Variants in EXOC6B observed in about 807,000 individuals in gnomAD.
EXOC6B encodes the protein SEC15 homolog B.
EXOC6B carries 54 observed loss-of-function variants against 113.5 expected under a neutral mutation model. The ratio of observed to expected loss-of-function variants is 0.48; its 90% CI spans 0.38 to 0.60. EXOC6B has a LOEUF of 0.60. Ranked by LOEUF, EXOC6B falls within the 20% of genes least tolerant of loss-of-function variation. The probability of loss-of-function intolerance (pLI) is 0.00; values close to 1 mark genes in which losing one functional copy is unlikely to be tolerated. For missense variants in EXOC6B, 797 were observed against 977.5 expected, an observed-to-expected ratio of 0.82 and a Z score of 2.46; for synonymous variants, 357 against 339.0, an observed-to-expected ratio of 1.05 and a Z score of -0.58.
chr2:72,474,839 C>T (rs1698636441), intron 17 of EXOC6B, among the ~76,000 whole-genome samples: 2 of 151,864 alleles, frequency 1.3e-5, no homozygotes, highest in Admixed American at 1.3e-4. Context: ...TTTTCTGTAC[C>T]ATTATATTCA....
At chr2:72,287,130 G>A (rs1214582200) in intron 20 of EXOC6B, among the ~76,000 whole-genome samples, 2 of 151,940 alleles carry the variant, frequency 1.3e-5, no homozygotes, top group African/African-American at 4.8e-5. Context: ...AAAAATCAGA[G>A]AAATAGAATA....
intron 18 of EXOC6B, among the ~76,000 whole-genome samples, chr2:72,431,491 A>C (rs1283157240): frequency 6.9e-6 from 1 of 144,138 alleles, no homozygotes; most frequent in Non-Finnish European, 1.5e-5. Context: ...TTCTTTATCT[A>C]TCTATCTATC....
intron 1 of EXOC6B, among the ~76,000 whole-genome samples, chr2:72,773,448 CAAA>C (rs758534897): frequency 3.7e-5 from 3 of 80,720 alleles, no homozygotes; most frequent in African/African-American, 4.6e-5. Flanking sequence ...GTTTTCTCAC[CAAA>C]AAAAAAAAAA....
chr2:72,464,343 A>C (rs531584125), intron 18 of EXOC6B: 1 of 152,340 alleles, frequency 6.6e-6, no homozygotes, highest in African/African-American at 2.4e-5. Flanking sequence ...CTTTGGTGCT[A>C]AAAAGACAAT....
chr2:72,448,325 T>C (rs1482498703), intron 18 of EXOC6B, among the ~76,000 whole-genome samples: 2 of 152,188 alleles, frequency 1.3e-5, no homozygotes, highest in African/African-American at 4.8e-5. Flanking sequence ...TGTCTGTCTC[T>C]AGCTAGAGAA....
At chr2:72,398,901 T>C (rs778950992) in intron 18 of EXOC6B, among the ~76,000 whole-genome samples, 12 of 151,610 alleles carry the variant, frequency 7.9e-5, no homozygotes, top group Non-Finnish European at 1.5e-4. Flanking sequence ...AAATAAACTG[T>C]TTTCAATGTA....
intron 21 of EXOC6B, among the ~76,000 whole-genome samples, chr2:72,183,203 T>A (rs1678204094): frequency 6.6e-6 from 1 of 152,174 alleles, no homozygotes; most frequent in South Asian, 2.1e-4. Flanking sequence ...ACTGGCCATA[T>A]ATGTAGACTT....
chr2:72,688,460 C>T (rs1677241921), intron 6 of EXOC6B, among the ~76,000 whole-genome samples: 1 of 152,126 alleles, frequency 6.6e-6, no homozygotes, highest in Non-Finnish European at 1.5e-5. Context: ...ACACCATCCT[C>T]CTTCCTGGTG....
intron 20 of EXOC6B, among the ~76,000 whole-genome samples, chr2:72,304,024 G>A (rs536937313): frequency 1.3e-5 from 2 of 152,318 alleles, no homozygotes; most frequent in African/African-American, 4.8e-5. Flanking sequence ...ACTCTGCAGA[G>A]CTGCTTCCCT....
intron 18 of EXOC6B, among the ~76,000 whole-genome samples, chr2:72,429,321 A>G (rs680380): frequency 0.14 from 20,606 of 152,228 alleles, 1,721 homozygotes; most frequent in African/African-American, 0.24. Context: ...TAACTGAAAC[A>G]TTTTTTAAGT....
At chr2:72,442,004 C>T (rs1696232033) in intron 18 of EXOC6B, among the ~76,000 whole-genome samples, 1 of 152,160 alleles carries the variant, frequency 6.6e-6, no homozygotes, top group Non-Finnish European at 1.5e-5. Flanking sequence ...AAATCCTCAA[C>T]AAAATACTGC....
intron 20 of EXOC6B, among the ~76,000 whole-genome samples, chr2:72,189,826 C>G (rs35805850): frequency 1.0e-5 from 1 of 98,860 alleles, no homozygotes; most frequent in Non-Finnish European, 2.3e-5. Context: ...CCTTCATTCT[C>G]TCTGTCTCTC....
rs146515204 is a variant in EXOC6B at position 72,255,457 on chromosome 2, A to G, written c.2197-71270T>C. 3.3e-3 allele frequency among the ~76,000 whole-genome samples: 499 copies of G among 152,384 alleles called. 3 individuals are homozygous for G. Among genetic ancestry groups the G allele is most frequent in the African/African-American group, 0.011 (473 of 41,598 alleles). ...AAGTAGACACTGATGAAGCCACCAC[A>G]GGCCTGGAAGGCAGCGCCAAGAGCC... On this transcript the variant is annotated intron_variant, in intron 20 of 21. Coordinates refer to ENST00000272427, the MANE Select transcript of EXOC6B (RefSeq NM_015189.3).
At chr2:72,185,337 T>C (rs929881052) in intron 20 of EXOC6B, among the ~76,000 whole-genome samples, 23 of 152,264 alleles carry the variant, frequency 1.5e-4, no homozygotes, top group Admixed American at 1.2e-3. Context: ...CCTTCCTCCA[T>C]GTCTGTCTTC....
In EXOC6B at chr2:72,434,113, AG is replaced by A. The variant is rs372588418; in HGVS notation, c.1980+31046del. ...AGCTTATTGAGTGTTTTTAGCATGA[AG>A]GGGTGCTGAATTTTATCGAAGGCCT... On this transcript the variant is annotated intron_variant, in intron 18 of 21. Transcript: ENST00000272427. 1.3e-3 allele frequency among the ~76,000 whole-genome samples: 191 copies of A among 152,340 alleles called. 1 individual carries two copies. Among genetic ancestry groups the A allele is most frequent in the African/African-American group, 4.4e-3 (185 of 41,578 alleles).
At chr2:72,257,265 C>A (rs762704695) in intron 20 of EXOC6B, among the ~76,000 whole-genome samples, 1 of 151,978 alleles carries the variant, frequency 6.6e-6, no homozygotes, top group Non-Finnish European at 1.5e-5. Context: ...TAAAAAAAAA[C>A]CATATCTTTG....
At chr2:72,458,894 TA>T (rs148504558) in intron 18 of EXOC6B, among the ~76,000 whole-genome samples, 7,104 of 152,002 alleles carry the variant, frequency 0.047, 232 homozygotes, top group Middle Eastern at 0.089. Flanking sequence ...CAAAAGCAAT[TA>T]AAAAATATAA....
intron 6 of EXOC6B, among the ~76,000 whole-genome samples, chr2:72,615,145 C>T (rs1428724732): frequency 6.6e-6 from 1 of 152,002 alleles, no homozygotes; most frequent in Non-Finnish European, 1.5e-5. Context: ...TAAGGTTGTA[C>T]TAGAGATAAA....
intron 6 of EXOC6B, among the ~76,000 whole-genome samples, chr2:72,668,519 G>A (rs551055685): frequency 6.6e-6 from 1 of 151,916 alleles, no homozygotes; most frequent in Admixed American, 6.5e-5. Context: ...GTCAACCTAG[G>A]TGCCCAACAA....
Sources: gnomAD v4.1 joint callset for allele counts (sites outside exome capture counted in the v4.1 genomes callset) on GRCh38, gnomAD v4.1.1 for gene constraint, MANE v1.5 for transcripts, NCBI Gene and HGNC (gene_info 2026-07-23, HGNC 2026-07-21) for gene names.